ZDHHC18: variants seen among roughly 807,000 people sequenced by gnomAD.
ZDHHC18 encodes zDHHC palmitoyltransferase 18.
Under a neutral mutation model 37.5 loss-of-function variants are expected in ZDHHC18, and 23 were observed. The observed-to-expected ratio is 0.61, with a 90% CI of 0.44 to 0.87. ZDHHC18 has a LOEUF of 0.87. Among genes scored for constraint, ZDHHC18 ranks in the 40% least tolerant of loss-of-function variants. The probability of loss-of-function intolerance (pLI) is 0.00; values close to 1 mark genes in which losing one functional copy is unlikely to be tolerated. For synonymous variants in ZDHHC18, 185 were observed against 218.7 expected (o/e 0.85, Z 1.36); for missense variants, 406 against 525.6 (o/e 0.77, Z 2.22).
chr1:26,834,989 CAG>C (rs2081605330), intron 2 of ZDHHC18, among the ~76,000 whole-genome samples: 1 of 152,214 alleles, frequency 6.6e-6, no homozygotes, highest in African/African-American at 2.4e-5. Context: ...TCAGAGGAGT[CAG>C]GAGCATCTTC....
At chr1:26,837,263 T>A (rs200671190) in intron 2 of ZDHHC18, among the ~76,000 whole-genome samples, 1,768 of 140,938 alleles carry the variant, frequency 0.013, 27 homozygotes, top group South Asian at 0.028. Flanking sequence ...AAAAAAAATA[T>A]ATATATATAT....
chr1:26,843,268 G>C (rs1255198538), intron 2 of ZDHHC18, among the ~76,000 whole-genome samples: 1 of 149,886 alleles, frequency 6.7e-6, no homozygotes, highest in African/African-American at 2.5e-5. Flanking sequence ...TCAGCCTCCC[G>C]AGTAGCTGGA....
intron 2 of ZDHHC18, 115 bp from the exon 3 acceptor site, chr1:26,848,493 C>G: frequency 7.3e-7 from 1 of 1,378,202 alleles, no homozygotes; most frequent in Non-Finnish European, 1.0e-6. Context: ...TCCTGGGAAC[C>G]TGTTACCCTG....
At chr1:26,845,600 T>C (rs1245029010) in intron 2 of ZDHHC18, among the ~76,000 whole-genome samples, 2 of 152,046 alleles carry the variant, frequency 1.3e-5, no homozygotes. Flanking sequence ...CCCAAATTGC[T>C]GGGATTACAG....
At position 26,849,853 on chromosome 1, in the gene ZDHHC18, C is replaced by T. The variant is rs185861175; in HGVS notation, c.647-448C>T. Among the ~76,000 whole-genome samples, 157 of 152,324 alleles carry T rather than the reference C, an allele frequency of 1.0e-3. 1 individual carries two copies. The highest frequency in any genetic ancestry group is 1.9e-3 in the Non-Finnish European group (132 of 68,030). On this transcript the variant is annotated intron_variant, in intron 3 of 7. Coordinates refer to ENST00000374142, the MANE Select transcript of ZDHHC18 (RefSeq NM_032283.3). Reference sequence around the variant, plus strand: ...TCTTTGTGCCGGCACTGCTCTGGATCCTGGGGAGTCAGCATGGTGTAAGAC... The same window carrying T: ...TCTTTGTGCCGGCACTGCTCTGGATTCTGGGGAGTCAGCATGGTGTAAGAC...
At chr1:26,827,755 C>A (rs914541174) in intron 1 of ZDHHC18, among the ~76,000 whole-genome samples, 3 of 152,144 alleles carry the variant, frequency 2.0e-5, no homozygotes, top group African/African-American at 7.2e-5. Context: ...ACACCCTAGG[C>A]CCCAAGGCAT....
chr1:26,849,895 G>A (rs1426227648), intron 3 of ZDHHC18, among the ~76,000 whole-genome samples: 2 of 152,128 alleles, frequency 1.3e-5, no homozygotes, highest in East Asian at 1.9e-4. Flanking sequence ...AGCCCCCCTC[G>A]CCCATGGAGC....
chr1:26,827,275 G>A (rs1178016304), intron 1 of ZDHHC18, 136 bp downstream of exon 1: 2 of 729,944 alleles, frequency 2.7e-6, no homozygotes, highest in African/African-American at 1.9e-5. Flanking sequence ...GATCCTCCTC[G>A]GGCCTCTTGT....
chr1:26,827,288 G>A, intron 1 of ZDHHC18, 149 bp downstream of exon 1: 2 of 602,026 alleles, frequency 3.3e-6, no homozygotes, highest in Non-Finnish European at 4.9e-6. Context: ...CCTCTTGTCT[G>A]CCCCCCTGGC....
intron 3 of ZDHHC18, among the ~76,000 whole-genome samples, chr1:26,849,483 C>T (rs1022840713): frequency 1.3e-5 from 2 of 152,360 alleles, no homozygotes; most frequent in South Asian, 2.1e-4. Flanking sequence ...AACACCCCCC[C>T]GTGACGGCAT....
chr1:26,841,861 C>T (rs1426223513), intron 2 of ZDHHC18, among the ~76,000 whole-genome samples: 7 of 152,034 alleles, frequency 4.6e-5, no homozygotes, highest in African/African-American at 9.7e-5. Context: ...GGTGGCCAGG[C>T]GCGGTGGCTC....
At chr1:26,835,588 C>G (rs1305157070) in intron 2 of ZDHHC18, among the ~76,000 whole-genome samples, 2 of 152,128 alleles carry the variant, frequency 1.3e-5, no homozygotes, top group Non-Finnish European at 2.9e-5. Flanking sequence ...GTAATCCCAG[C>G]TACTCAGGAG....
Position 26,856,337 on chromosome 1 carries a change from C to G in ZDHHC18, c.*2494C>G. 2.6e-6 allele frequency: 1 copy of G among 390,148 alleles called. No individual in the cohort carries two copies. Among genetic ancestry groups the G allele is most frequent in the South Asian group, 1.7e-5 (1 of 57,344 alleles). The allele number at this position is 390,148 out of a possible 1,614,324, so 24.2% of individuals were successfully genotyped here. The stretch of plus-strand genomic sequence containing the variant: ...ACCATCTCATCCTCATCGCATGCCT[C>G]GCCAACCCCATGGAGCCCGTCCATC... On this transcript the variant is annotated 3_prime_UTR_variant, in exon 8 of 8. Transcript: ENST00000374142. This position sits in a 1 kb window ranked among gnomAD's most constrained non-coding sequence, Gnocchi z 5.2.
chr1:26,846,183 T>C (rs2081663325), intron 2 of ZDHHC18, among the ~76,000 whole-genome samples: 2 of 141,386 alleles, frequency 1.4e-5, no homozygotes, highest in Admixed American at 1.5e-4. Flanking sequence ...TATACACATA[T>C]ATCTATATAC....
At chr1:26,839,929 A>G (rs1289670724) in intron 2 of ZDHHC18, among the ~76,000 whole-genome samples, 1 of 152,212 alleles carries the variant, frequency 6.6e-6, no homozygotes, top group Non-Finnish European at 1.5e-5. Flanking sequence ...GCCCCTGCAG[A>G]GCCTCCTTTG....
Position 26,826,912 on chromosome 1 carries a change from G to C in ZDHHC18, c.108G>C (p.Gly36=), listed in dbSNP as rs1445905485. 2.1e-5 allele frequency: 21 copies of C among 993,376 alleles called. 1 individual carries two copies. The South Asian group carries it at 8.1e-4, about 38-fold the overall frequency. The allele number at this position is 993,376 out of a possible 1,614,324, so 61.5% of individuals were successfully genotyped here. A position where few individuals can be genotyped will look rare whatever the true frequency, so the allele number is the denominator to read the frequency against. The change falls in exon 1 of 8, where the codon GGG becomes GGC. Residue 36 remains glycine (G), a synonymous_variant. Transcript: ENST00000374142. The surrounding 1 kb of genome is among the most constrained non-coding windows in gnomAD (Gnocchi z 5.2). ...GPAASPTPGP[G]PAPPAAPAPP... ...CCGCGTCCCCGACTCCGGGCCCCGG[G>C]CCCGCGCCGCCCGCCGCCCCCGCCC...
Position 26,850,508 on chromosome 1 carries a change from A to G in ZDHHC18, c.785-50A>G. 1.2e-6 allele frequency: 2 copies of G among 1,614,244 alleles called. No homozygotes were observed. The highest frequency in any genetic ancestry group is 1.7e-6 in the Non-Finnish European group (2 of 1,180,032). ...GCAAGCTCAAGGGTCAGCAAGCTTCAGCAGTCACTGTCCCTCTGAGCTTGT... is the reference window on the plus strand; with the variant it reads ...GCAAGCTCAAGGGTCAGCAAGCTTCGGCAGTCACTGTCCCTCTGAGCTTGT... On this transcript the variant is annotated intron_variant, in intron 4 of 7. Coordinates refer to ENST00000374142, the MANE Select transcript of ZDHHC18 (RefSeq NM_032283.3). This position sits in a 1 kb window ranked among gnomAD's most constrained non-coding sequence, Gnocchi z 6.1.
In ZDHHC18 at chr1:26,850,505, T is replaced by C; in HGVS notation, c.785-53T>C. On this transcript the variant is annotated intron_variant, in intron 4 of 7. Transcript: ENST00000374142. The surrounding 1 kb of genome is among the most constrained non-coding windows in gnomAD (Gnocchi z 6.1). Reference sequence around the variant, plus strand: ...CCAGCAAGCTCAAGGGTCAGCAAGCTTCAGCAGTCACTGTCCCTCTGAGCT... The same window carrying C: ...CCAGCAAGCTCAAGGGTCAGCAAGCCTCAGCAGTCACTGTCCCTCTGAGCT... The C allele has an allele frequency of 6.2e-7, 1 of 1,614,216 alleles. No individual in the cohort carries two copies. Among genetic ancestry groups the C allele is most frequent in the Non-Finnish European group, 8.5e-7 (1 of 1,180,022 alleles).
chr1:26,847,465 G>A (rs988102157), intron 2 of ZDHHC18, among the ~76,000 whole-genome samples: 8 of 152,080 alleles, frequency 5.3e-5, no homozygotes, highest in Admixed American at 1.3e-4. Flanking sequence ...TCCCATCTTG[G>A]CCTCCCAAGG....
Sources: allele counts gnomAD v4.1 joint callset (sites outside exome capture counted in the v4.1 genomes callset), GRCh38; gene constraint gnomAD v4.1.1; non-coding constraint Gnocchi (gnomAD v3.1); transcripts MANE v1.5; gene names NCBI Gene and HGNC (gene_info 2026-07-23, HGNC 2026-07-21).